PCCA: variants seen among roughly 807,000 people sequenced by gnomAD.
PCCA encodes propionyl-CoA carboxylase subunit alpha, also known as propionyl-CoA carboxylase alpha chain, mitochondrial.
PCCA carries 74 observed loss-of-function variants against 101.3 expected under a neutral mutation model. The ratio of observed to expected loss-of-function variants is 0.73; its 90% CI spans 0.61 to 0.89. The LOEUF (loss-of-function observed/expected upper bound fraction) is 0.89, where lower values mean the gene tolerates loss of function less well. PCCA is among the 40% of genes least tolerant of loss of function. The pLI, the probability that PCCA is intolerant of heterozygous loss-of-function variation, is 0.00. For synonymous variants in PCCA, 294 were observed against 313.6 expected, an observed-to-expected ratio of 0.94 and a Z score of 0.66; for missense variants, 891 against 907.0, an observed-to-expected ratio of 0.98 and a Z score of 0.23.
chr13:100,291,232 C>T (rs1483146131), intron 12 of PCCA, among the ~76,000 whole-genome samples: 1 of 152,112 alleles, frequency 6.6e-6, no homozygotes, highest in Non-Finnish European at 1.5e-5. Flanking sequence ...GAACCATGAT[C>T]ATGCCACTGC....
At position 100,503,765 on chromosome 13, in the gene PCCA, G is replaced by A. The variant is rs190624056; in HGVS notation, c.1900-11662G>A. Among the ~76,000 whole-genome samples the A allele has an allele frequency of 1.8e-4, 28 of 152,182 alleles. No homozygotes were observed. The East Asian group carries it at 4.4e-3, about 24-fold the overall frequency. The stretch of plus-strand genomic sequence containing the variant: ...CAAAAAATTTAAAAAAAAATTAGCC[G>A]GGCATGGTGGCATGTGCCTATGGTC... On this transcript the variant is annotated intron_variant, in intron 21 of 23. Transcript: ENST00000376285.
intron 18 of PCCA, among the ~76,000 whole-genome samples, chr13:100,348,756 CTTTCTTTCTTTCTTTCTTTCTTTCTTT>C (rs2072706946): frequency 1.5e-5 from 1 of 65,830 alleles, no homozygotes; most frequent in Non-Finnish European, 3.2e-5. Flanking sequence ...TTCTTTCTTT[CTTTCTTTCTTTCTTTCTTTCTTTCTTT>C]CTTTCTTCCT....
At position 100,194,617 on chromosome 13, in the gene PCCA, C is replaced by T. The variant is rs543480174; in HGVS notation, c.469-14715C>T. Among the ~76,000 whole-genome samples the T allele has an allele frequency of 5.9e-5, 9 of 152,138 alleles. No individual in the cohort carries two copies. In the South Asian group the frequency reaches 1.5e-3, roughly 25 times the overall value. Reference sequence around the variant, plus strand: ...TGTATTTTTATTAGAGACGGGGTTTCACCATATTGGCCAGGCTGGTCTCGA... The same window carrying T: ...TGTATTTTTATTAGAGACGGGGTTTTACCATATTGGCCAGGCTGGTCTCGA... On this transcript the variant is annotated intron_variant, in intron 6 of 23. Transcript: ENST00000376285.
At chr13:100,363,072 TATTC>T (rs971564714) in intron 18 of PCCA, among the ~76,000 whole-genome samples, 47 of 152,358 alleles carry the variant, frequency 3.1e-4, no homozygotes, top group African/African-American at 1.1e-3. Context: ...ATGCTTTTTA[TATTC>T]ATTTTAATAA....
chr13:100,425,582 T>C (rs531785051), intron 19 of PCCA, 51 bp from the exon 20 acceptor site: 46 of 1,238,416 alleles, frequency 3.7e-5, no homozygotes, highest in Non-Finnish European at 5.4e-5. Flanking sequence ...GAACTTGAGA[T>C]CAGTTTTCTG....
intron 8 of PCCA, among the ~76,000 whole-genome samples, chr13:100,256,449 G>A (rs1347314021): frequency 6.6e-6 from 1 of 152,178 alleles, no homozygotes; most frequent in Non-Finnish European, 1.5e-5. Flanking sequence ...CAGTGTAAGA[G>A]CATGTTCTTT....
At chr13:100,452,048 T>TCCTCTCTCCTCTTCCTCCTCTC (rs1252872719) in intron 21 of PCCA, among the ~76,000 whole-genome samples, 3 of 28,844 alleles carry the variant, frequency 1.0e-4, no homozygotes, top group Admixed American at 5.7e-4. Context: ...TTCCTCCTCT[T>TCCTCTCTCCTCTTCCTCCTCTC]CCTCTCTCCT....
intron 19 of PCCA, among the ~76,000 whole-genome samples, chr13:100,402,883 GGATATA>G (rs1274671448): frequency 6.6e-6 from 1 of 152,162 alleles, no homozygotes; most frequent in Non-Finnish European, 1.5e-5. Flanking sequence ...CTAAAGTTTA[GGATATA>G]GTGCCTGTGC....
chr13:100,120,706 A>AG (rs1410486735), intron 4 of PCCA, among the ~76,000 whole-genome samples: 13 of 152,176 alleles, frequency 8.5e-5, no homozygotes, highest in African/African-American at 2.9e-4. Flanking sequence ...GCAAAATGGG[A>AG]GTTAAGCCTC....
At chr13:100,507,630 G>A (rs1335887971) in intron 21 of PCCA, among the ~76,000 whole-genome samples, 1 of 152,156 alleles carries the variant, frequency 6.6e-6, no homozygotes, top group Non-Finnish European at 1.5e-5. Flanking sequence ...GTTATTGAGT[G>A]CTGGGTCTAG....
At chr13:100,444,005 C>T (rs2080575237) in intron 20 of PCCA, among the ~76,000 whole-genome samples, 1 of 152,088 alleles carries the variant, frequency 6.6e-6, no homozygotes, top group South Asian at 2.1e-4. Flanking sequence ...ACTGTAAGAA[C>T]TTTGTCAGGT....
chr13:100,527,761 C>CTAAG lies in PCCA; in HGVS notation c.2118+11_2118+14dup. ...CTGGGAAAACTGGCACGGTGAGTCC[C>CTAAG]TAAGTCCCCATCAGCCCAGGCCGGC... On this transcript the variant is annotated intron_variant, in intron 23 of 23. Transcript: ENST00000376285. 6.2e-7 allele frequency: 1 copy of CTAAG among 1,600,396 alleles called. No homozygotes were observed. Among genetic ancestry groups the CTAAG allele is most frequent in the South Asian group, 1.1e-5 (1 of 90,806 alleles).
At chr13:100,292,006 C>T (rs976537850) in intron 12 of PCCA, among the ~76,000 whole-genome samples, 3 of 152,128 alleles carry the variant, frequency 2.0e-5, no homozygotes, top group Admixed American at 2.0e-4. Flanking sequence ...TTCCCATGTC[C>T]TCAGCTGCTT....
At chr13:100,453,123 A>G (rs1053057487) in intron 21 of PCCA, among the ~76,000 whole-genome samples, 1 of 152,100 alleles carries the variant, frequency 6.6e-6, no homozygotes, top group African/African-American at 2.4e-5. Flanking sequence ...GGTCGAGGCT[A>G]CAGCGAGCCG....
rs192100100 is a variant in PCCA, at chr13:100,313,449, G to A, written c.1429+3541G>A. Among the ~76,000 whole-genome samples the A allele has an allele frequency of 2.8e-3, 432 of 152,270 alleles. 4 individuals are homozygous for A. Among genetic ancestry groups the A allele is most frequent in the African/African-American group, 9.8e-3 (408 of 41,540 alleles). On this transcript the variant is annotated intron_variant, in intron 16 of 23. Transcript: ENST00000376285. Reference sequence around the variant, plus strand: ...TTAAAGAATAATTTGGTGGGCAGGGGGCCAGGGAGTGAGGAATGCTGACTG... The same window carrying A: ...TTAAAGAATAATTTGGTGGGCAGGGAGCCAGGGAGTGAGGAATGCTGACTG...
intron 16 of PCCA, among the ~76,000 whole-genome samples, chr13:100,314,315 C>T (rs564274474): frequency 6.6e-6 from 1 of 152,140 alleles, no homozygotes; most frequent in African/African-American, 2.4e-5. Context: ...TCCAGGTGCA[C>T]CACCCTCCAT....
chr13:100,492,283 C>G (rs551371271), intron 21 of PCCA, among the ~76,000 whole-genome samples: 1 of 152,200 alleles, frequency 6.6e-6, no homozygotes, highest in East Asian at 1.9e-4. Flanking sequence ...TACAGGTGCC[C>G]GCCACCATGC....
chr13:100,401,888 G>C (rs2077386018), intron 19 of PCCA, among the ~76,000 whole-genome samples: 1 of 151,842 alleles, frequency 6.6e-6, no homozygotes, highest in South Asian at 2.1e-4. Context: ...TTTTTTTGTA[G>C]ACGTGAAAGT....
At chr13:100,513,343 AT>A (rs2086619567) in intron 21 of PCCA, among the ~76,000 whole-genome samples, 1 of 152,224 alleles carries the variant, frequency 6.6e-6, no homozygotes, top group Non-Finnish European at 1.5e-5. Context: ...TAAGTCACTT[AT>A]CCCCCAAACA....
Sources: gnomAD v4.1 joint callset for allele counts (sites outside exome capture counted in the v4.1 genomes callset) on GRCh38, gnomAD v4.1.1 for gene constraint, MANE v1.5 for transcripts, NCBI Gene and HGNC (gene_info 2026-07-23, HGNC 2026-07-21) for gene names.